CSNK1A1: variants seen among roughly 807,000 people sequenced by gnomAD.
The protein encoded by CSNK1A1 is casein kinase 1 alpha 1.
Under a neutral mutation model 46.1 loss-of-function variants are expected in CSNK1A1, and 7 were observed. That is an observed-to-expected ratio of 0.15 (90% CI 0.09 to 0.29). The LOEUF (loss-of-function observed/expected upper bound fraction) is 0.29, where lower values mean the gene tolerates loss of function less well. Ranked by LOEUF, CSNK1A1 falls within the 10% of genes least tolerant of loss-of-function variation. The pLI, the probability that CSNK1A1 is intolerant of heterozygous loss-of-function variation, is 1.00. For synonymous variants in CSNK1A1, 137 were observed against 141.5 expected (o/e 0.97, Z 0.23); for missense variants, 96 against 417.1 (o/e 0.23, Z 6.71).
At chr5:149,519,444 G>A (rs1426671056) in intron 4 of CSNK1A1, among the ~76,000 whole-genome samples, 1 of 152,116 alleles carries the variant, frequency 6.6e-6, no homozygotes. Flanking sequence ...ATCACAACAT[G>A]CTTAGTGCAT....
chr5:149,538,922 C>CAA (rs5872132), intron 2 of CSNK1A1, among the ~76,000 whole-genome samples: 1 of 131,914 alleles, frequency 7.6e-6, no homozygotes, highest in Admixed American at 7.5e-5. Context: ...AACTCCGTCT[C>CAA]AAAAAAAAAA....
At chr5:149,548,671 G>A (rs756845466) in intron 2 of CSNK1A1, among the ~76,000 whole-genome samples, 1 of 152,120 alleles carries the variant, frequency 6.6e-6, no homozygotes, top group African/African-American at 2.4e-5. Flanking sequence ...GCCCAGCCTG[G>A]CCAACGTGGT....
chr5:149,542,670 A>ATATG (rs1762332940), intron 2 of CSNK1A1, among the ~76,000 whole-genome samples: 3 of 9,098 alleles, frequency 3.3e-4, no homozygotes, highest in African/African-American at 1.6e-3. Context: ...ATATATATAT[A>ATATG]TGTATATATA....
chr5:149,498,274 A>G, intron 9 of CSNK1A1: 3 of 985,370 alleles, frequency 3.0e-6, no homozygotes, highest in Non-Finnish European at 3.6e-6. Context: ...GAGTAGGTGC[A>G]TAATAGATCT....
chr5:149,538,045 G>A (rs1382779676), intron 2 of CSNK1A1, among the ~76,000 whole-genome samples: 2 of 114,058 alleles, frequency 1.8e-5, no homozygotes, highest in African/African-American at 7.3e-5. Context: ...TTTTTGAGAC[G>A]GAGTTTCGCT....
At chr5:149,543,455 A>G (rs1185008647) in intron 2 of CSNK1A1, among the ~76,000 whole-genome samples, 1 of 151,050 alleles carries the variant, frequency 6.6e-6, no homozygotes, top group African/African-American at 2.4e-5. Context: ...TAAAAAGCAC[A>G]TTTCTCGTGA....
chr5:149,511,764 G>A, intron 6 of CSNK1A1, 30 bp downstream of exon 6: 1 of 1,457,228 alleles, frequency 6.9e-7, no homozygotes, highest in Non-Finnish European at 9.5e-7. Flanking sequence ...AAAAGAGAGA[G>A]AAAAATCTGA....
chr5:149,531,698 A>G (rs1053064216), intron 2 of CSNK1A1, among the ~76,000 whole-genome samples: 1 of 140,892 alleles, frequency 7.1e-6, no homozygotes, highest in African/African-American at 2.5e-5. Context: ...AAATACAAAA[A>G]AAAAAAAAAC....
At position 149,550,761 on chromosome 5, in the gene CSNK1A1, A is replaced by T; in HGVS notation, c.123+81T>A. The T allele has an allele frequency of 6.3e-7, 1 of 1,588,918 alleles. No homozygotes were observed. Among genetic ancestry groups the T allele is most frequent in the Non-Finnish European group, 8.6e-7 (1 of 1,163,234 alleles). Reference sequence around the variant, plus strand: ...AGTGCGTGCGATGAGGAGAGGCCCGAGCACTTTGGGGGTGCACGGTGGTGG... The same window carrying T: ...AGTGCGTGCGATGAGGAGAGGCCCGTGCACTTTGGGGGTGCACGGTGGTGG... On this transcript the variant is annotated intron_variant, in intron 1 of 9. Transcript: ENST00000377843. The surrounding 1 kb of genome is among the most constrained non-coding windows in gnomAD (Gnocchi z 4.3).
At chr5:149,545,928 G>A (rs1340986202) in intron 2 of CSNK1A1, 7 of 226,332 alleles carry the variant, frequency 3.1e-5, no homozygotes, top group Middle Eastern at 1.7e-3. Flanking sequence ...TCATTCTGTC[G>A]CCCAGGCTGG....
intron 9 of CSNK1A1, chr5:149,502,626 A>T (rs1484110458): frequency 1.1e-6 from 1 of 949,738 alleles, no homozygotes; most frequent in Non-Finnish European, 1.3e-6. Flanking sequence ...CTCCCACCTC[A>T]GCCTCCCAAA....
rs551828370 is a variant in CSNK1A1, at chr5:149,528,592, C to T, written c.231-3421G>A. 3.8e-4 allele frequency among the ~76,000 whole-genome samples: 58 copies of T among 152,266 alleles called. 1 individual carries two copies. The highest frequency in any genetic ancestry group is 1.3e-3 in the African/African-American group (55 of 41,566). On this transcript the variant is annotated intron_variant, in intron 2 of 9. Transcript: ENST00000377843. ...TCTACCTTCACCTCCATGCTTCCCA[C>T]GTCTATTCTGAGAGCTTTTCTCTAC...
Position 149,550,194 on chromosome 5 carries a change from G to C in CSNK1A1, c.124-13C>G. The C allele has an allele frequency of 2.5e-6, 4 of 1,612,758 alleles. No individual in the cohort carries two copies. The highest frequency in any genetic ancestry group is 3.4e-6 in the Non-Finnish European group (4 of 1,179,284). ...TCACTGCCACTTCCTGCAGGGGAAA[G>C]AGGGGATGATGGCATCAACATCCCT... On this transcript the variant is annotated splice_polypyrimidine_tract_variant and intron_variant, in intron 1 of 9. Coordinates refer to ENST00000377843, the MANE Select transcript of CSNK1A1 (RefSeq NM_001892.6). The surrounding 1 kb of genome is among the most constrained non-coding windows in gnomAD (Gnocchi z 4.3).
intron 2 of CSNK1A1, 139 bp downstream of exon 2, chr5:149,549,936 A>T: frequency 1.1e-6 from 1 of 918,462 alleles, no homozygotes; most frequent in Non-Finnish European, 1.6e-6. Flanking sequence ...TGACTGACTT[A>T]CAGGAAACCA....
chr5:149,543,029 C>T (rs1048385072), intron 2 of CSNK1A1, among the ~76,000 whole-genome samples: 1 of 151,954 alleles, frequency 6.6e-6, no homozygotes, highest in Non-Finnish European at 1.5e-5. Flanking sequence ...TTTTATCCTG[C>T]AATCCACAGA....
intron 2 of CSNK1A1, among the ~76,000 whole-genome samples, chr5:149,526,310 A>G (rs1414262794): frequency 6.6e-6 from 1 of 152,074 alleles, no homozygotes; most frequent in Non-Finnish European, 1.5e-5. Context: ...TAAATTTTAA[A>G]AAAGTTTTTG....
chr5:149,545,811 A>T, intron 2 of CSNK1A1: 1 of 479,286 alleles, frequency 2.1e-6, no homozygotes, highest in East Asian at 4.5e-5. Context: ...TCTGTACCTT[A>T]AGCCGCGGCT....
At chr5:149,536,198 C>T (rs1762057037) in intron 2 of CSNK1A1, among the ~76,000 whole-genome samples, 1 of 152,120 alleles carries the variant, frequency 6.6e-6, no homozygotes, top group Non-Finnish European at 1.5e-5. Context: ...GGTGATTCGC[C>T]CACCTCGGCC....
At chr5:149,546,621 G>A (rs1196318234) in intron 2 of CSNK1A1, among the ~76,000 whole-genome samples, 2 of 149,556 alleles carry the variant, frequency 1.3e-5, no homozygotes, top group East Asian at 3.9e-4. Context: ...AACAGAGTGA[G>A]ACTCCATGTC....
Sources: allele counts gnomAD v4.1 joint callset (sites outside exome capture counted in the v4.1 genomes callset), GRCh38; gene constraint gnomAD v4.1.1; non-coding constraint Gnocchi (gnomAD v3.1); transcripts MANE v1.5; gene names NCBI Gene and HGNC (gene_info 2026-07-23, HGNC 2026-07-21).